The following CNTNAP2 variants were observed in gnomAD, a reference collection of about 807,000 sequenced individuals.
The protein encoded by CNTNAP2 is contactin associated protein 2.
A neutral mutation model predicts 155.2 loss-of-function variants in CNTNAP2; 98 were observed. That is an observed-to-expected ratio of 0.63 (90% confidence interval 0.54 to 0.75). The LOEUF (loss-of-function observed/expected upper bound fraction) is 0.75, where lower values mean the gene tolerates loss of function less well. Ranked by LOEUF, CNTNAP2 falls within the 30% of genes least tolerant of loss-of-function variation. The pLI is 0.00. For missense variants in CNTNAP2, 1,727 were observed against 1,688.1 expected, an observed-to-expected ratio of 1.02 and a Z score of -0.40; for synonymous variants, 651 against 631.2, an observed-to-expected ratio of 1.03 and a Z score of -0.47.
chr7:147,579,777 A>C (rs930556290), intron 12 of CNTNAP2, among the ~76,000 whole-genome samples: 1 of 152,172 alleles, frequency 6.6e-6, no homozygotes, highest in Admixed American at 6.5e-5. Flanking sequence ...CTGTCAGAAC[A>C]TCATATTGTT....
At chr7:146,235,698 G>A (rs908286000) in intron 1 of CNTNAP2, among the ~76,000 whole-genome samples, 4 of 151,968 alleles carry the variant, frequency 2.6e-5, no homozygotes, top group South Asian at 2.1e-4. Flanking sequence ...CCGTGGCTGC[G>A]TGAGAAAACT....
chr7:146,753,421 C>T (rs1801940008), intron 1 of CNTNAP2, among the ~76,000 whole-genome samples: 1 of 151,494 alleles, frequency 6.6e-6, no homozygotes, highest in Non-Finnish European at 1.5e-5. Flanking sequence ...CTGTGTTTTC[C>T]ATGATGACCT....
chr7:146,555,701 G>A (rs1229240287), intron 1 of CNTNAP2, among the ~76,000 whole-genome samples: 1 of 152,184 alleles, frequency 6.6e-6, no homozygotes, highest in Admixed American at 6.5e-5. Flanking sequence ...CAAAAAACGT[G>A]TTTGGGTGAG....
chr7:147,733,672 G>A (rs999674606), intron 13 of CNTNAP2, among the ~76,000 whole-genome samples: 1 of 152,106 alleles, frequency 6.6e-6, no homozygotes, highest in African/African-American at 2.4e-5. Flanking sequence ...TCTTCCATTT[G>A]TTTGTATCCT....
At chr7:148,152,600 T>C (rs1805316745) in intron 17 of CNTNAP2, among the ~76,000 whole-genome samples, 1 of 152,214 alleles carries the variant, frequency 6.6e-6, no homozygotes, top group Non-Finnish European at 1.5e-5. Flanking sequence ...ACCTACATTT[T>C]AACAGAGTTC....
intron 11 of CNTNAP2, chr7:147,496,741 A>G (rs905207291): frequency 6.6e-6 from 1 of 152,120 alleles, no homozygotes; most frequent in Non-Finnish European, 1.5e-5. Flanking sequence ...ATTTTGCACC[A>G]TTCACAGGAA....
intron 1 of CNTNAP2, among the ~76,000 whole-genome samples, chr7:146,759,757 T>C (rs1802059446): frequency 6.7e-6 from 1 of 149,204 alleles, no homozygotes; most frequent in Non-Finnish European, 1.5e-5. Context: ...CCCTCAGAAG[T>C]TATAAATGGA....
At chr7:148,162,083 G>A (rs537575239) in intron 17 of CNTNAP2, among the ~76,000 whole-genome samples, 2 of 151,940 alleles carry the variant, frequency 1.3e-5, no homozygotes, top group East Asian at 1.9e-4. Flanking sequence ...ATAACACCAG[G>A]GATTCTTGAC....
chr7:147,227,029 CAAAT>C lies in CNTNAP2; in HGVS notation c.1349-73108_1349-73105del, dbSNP rs548852419. Among the ~76,000 whole-genome samples, 114 of 152,074 alleles carry C rather than the reference CAAAT, an allele frequency of 7.5e-4. 1 individual carries two copies. Among genetic ancestry groups the C allele is most frequent in the African/African-American group, 2.4e-3 (101 of 41,484 alleles). ...TAGAAAAGGATAAGGGCTGTGAAAA[CAAAT>C]AAAGTAAGGAAGGGGAGTGAAATAT... On this transcript the variant is annotated intron_variant, in intron 8 of 23. Coordinates refer to ENST00000361727, the MANE Select transcript of CNTNAP2 (RefSeq NM_014141.6).
intron 13 of CNTNAP2, among the ~76,000 whole-genome samples, chr7:147,791,577 A>C (rs1288094592): frequency 2.0e-5 from 3 of 151,718 alleles, no homozygotes; most frequent in Non-Finnish European, 2.9e-5. Context: ...AGCTATTTGC[A>C]CTAGGAGAGT....
intron 16 of CNTNAP2, among the ~76,000 whole-genome samples, chr7:148,142,011 A>G (rs1250549615): frequency 6.6e-6 from 1 of 152,146 alleles, no homozygotes; most frequent in Non-Finnish European, 1.5e-5. Flanking sequence ...GTGCATAGAA[A>G]TGAAATGGTA....
At chr7:146,886,521 G>T (rs1227816876) in intron 3 of CNTNAP2, among the ~76,000 whole-genome samples, 1 of 151,850 alleles carries the variant, frequency 6.6e-6, no homozygotes, top group Non-Finnish European at 1.5e-5. Context: ...GAATAACATG[G>T]GAGGCTATTG....
intron 1 of CNTNAP2, among the ~76,000 whole-genome samples, chr7:146,726,581 G>T: frequency 6.6e-6 from 1 of 152,168 alleles, no homozygotes; most frequent in East Asian, 1.9e-4. Context: ...TAATATTCTT[G>T]CATGAAAATC....
chr7:147,969,680 C>T (rs1801296352), intron 14 of CNTNAP2, among the ~76,000 whole-genome samples: 1 of 151,952 alleles, frequency 6.6e-6, no homozygotes, highest in African/African-American at 2.4e-5. Context: ...GAGCTGAGAA[C>T]AAAATAAATA....
chr7:146,122,782 AACTTT>A (rs1340782328), intron 1 of CNTNAP2, among the ~76,000 whole-genome samples: 12 of 152,186 alleles, frequency 7.9e-5, no homozygotes, highest in African/African-American at 2.9e-4. Context: ...CCTATTTACA[AACTTT>A]AGCCAGTACA....
chr7:146,524,878 G>A (rs1363109508), intron 1 of CNTNAP2, among the ~76,000 whole-genome samples: 1 of 152,018 alleles, frequency 6.6e-6, no homozygotes, highest in Non-Finnish European at 1.5e-5. Flanking sequence ...TAAGGAGAGT[G>A]TGCAAGGGCT....
chr7:147,663,996 A>AT (rs1795657230), intron 13 of CNTNAP2, among the ~76,000 whole-genome samples: 1 of 152,202 alleles, frequency 6.6e-6, no homozygotes, highest in African/African-American at 2.4e-5. Context: ...ACAAAGTTCA[A>AT]TTTTCTGTGT....
intron 1 of CNTNAP2, among the ~76,000 whole-genome samples, chr7:146,406,585 A>G (rs1795795355): frequency 6.6e-6 from 1 of 152,214 alleles, no homozygotes; most frequent in Non-Finnish European, 1.5e-5. Context: ...GCAAGGCTTA[A>G]TCGTTGAAGC....
intron 1 of CNTNAP2, among the ~76,000 whole-genome samples, chr7:146,176,490 T>C (rs1798472774): frequency 6.6e-6 from 1 of 152,136 alleles, no homozygotes; most frequent in Non-Finnish European, 1.5e-5. Flanking sequence ...AATTTGGACA[T>C]CCTTTGGAAA....
Sources: gnomAD v4.1 joint callset for allele counts (sites outside exome capture counted in the v4.1 genomes callset) on GRCh38, gnomAD v4.1.1 for gene constraint, MANE v1.5 for transcripts, NCBI Gene and HGNC (gene_info 2026-07-23, HGNC 2026-07-21) for gene names.